The following MBOAT4 variants were observed in gnomAD, a reference collection of about 807,000 sequenced individuals.
MBOAT4 encodes membrane-bound ghrelin O-acyltransferase MBOAT4.
MBOAT4 carries 11 observed loss-of-function variants against 13.2 expected under a neutral mutation model. The ratio of observed to expected loss-of-function variants is 0.84; its 90% CI spans 0.53 to 1.38. The LOEUF is 1.38. MBOAT4 is among the 40% of genes most tolerant of loss of function. The pLI is 0.00. For missense variants in MBOAT4, 481 were observed against 527.2 expected (o/e 0.91, Z 0.86); for synonymous variants, 202 against 210.3 (o/e 0.96, Z 0.34).
chr8:30,132,882 G>A lies in MBOAT4; in HGVS notation c.369C>T (p.Leu123=). The A allele has an allele frequency of 6.5e-7, 1 of 1,531,296 alleles. No homozygotes were observed. The highest frequency in any genetic ancestry group is 8.8e-7 in the Non-Finnish European group (1 of 1,138,282). 94.9% of individuals were successfully genotyped at this position (1,531,296 alleles called of 1,614,324 possible). The change falls in exon 3 of 3, where the codon CTC becomes CTT. Residue 123 remains leucine (L), a synonymous_variant. Transcript: ENST00000320542. The part of the protein sequence containing the change: ...SVRFCITLSS[L]MLLTQRVTSL... ...ACGTGACCCTCTGGGTCAAGAGCATGAGAGAAGAAAGAGTGATGCAGAACC... is the reference window on the plus strand; with the variant it reads ...ACGTGACCCTCTGGGTCAAGAGCATAAGAGAAGAAAGAGTGATGCAGAACC...
At chr8:30,134,446 C>CA (rs913351650) in intron 2 of MBOAT4, among the ~76,000 whole-genome samples, 13 of 149,836 alleles carry the variant, frequency 8.7e-5, no homozygotes, top group Admixed American at 4.7e-4. Flanking sequence ...AAAAAAAAAA[C>CA]AAAAAAAAAC....
At chr8:30,141,171 A>G (rs923033835) in intron 1 of MBOAT4, among the ~76,000 whole-genome samples, 11 of 152,124 alleles carry the variant, frequency 7.2e-5, no homozygotes, top group African/African-American at 2.4e-4. Context: ...AAATACCCAC[A>G]TTGATGAAAT....
chr8:30,137,586 T>C, intron 2 of MBOAT4: 1 of 1,056,808 alleles, frequency 9.5e-7, no homozygotes, highest in Non-Finnish European at 1.4e-6. Context: ...TTTATATTCA[T>C]TCTAATGAAA....
At position 30,132,112 on chromosome 8, in the gene MBOAT4, G is replaced by A. The variant is rs1285013671; in HGVS notation, c.1139C>T (p.Thr380Ile). Residue 380 changes from threonine to isoleucine, a missense_variant, in exon 3 of 3, where the codon ACC (threonine) becomes ATC (isoleucine). By Grantham distance (89) the Thr-to-Ile change is moderately conservative. Coordinates refer to ENST00000320542, the MANE Select transcript of MBOAT4 (RefSeq NM_001100916.2). ...CAACTGGGTGTGGGCCCAGGTGAGGGTTCTATAGAACAGCCTCATCGGCCA... is the reference window on the plus strand; with the variant it reads ...CAACTGGGTGTGGGCCCAGGTGAGGATTCTATAGAACAGCCTCATCGGCCA... The part of the protein sequence containing the change: ...RSWPMRLFYR[T>I]LTWAHTQLII... 3.9e-6 allele frequency: 6 copies of A among 1,551,726 alleles called. No homozygotes were observed. The South Asian group carries it at 7.1e-5, about 18-fold the overall frequency.
Position 30,132,642 on chromosome 8 carries a change from C to T in MBOAT4, c.609G>A (p.Trp203Ter). 1 of 1,551,768 alleles carries T rather than the reference C, an allele frequency of 6.4e-7. No individual in the cohort carries two copies. The highest frequency in any genetic ancestry group is 2.4e-5 in the East Asian group (1 of 40,916). Residue 203 changes from tryptophan (W) to a stop codon, truncating the protein, a stop_gained, in exon 3 of 3, where the codon TGG (tryptophan) becomes TGA (stop). Transcript: ENST00000320542. LOFTEE classifies it low-confidence loss of function (END_TRUNC). The part of the protein sequence containing the change: ...SSALHPRHSF[W>*]ALSWRGLQIL... ...TCTGCAGACCCCTCCAGCTCAGAGC[C>T]CAGAAAGAGTGTCTGGGATGCAAAG...
In MBOAT4 at chr8:30,132,093, G is replaced by A. The variant is rs1400941124; in HGVS notation, c.1158C>T (p.Thr386=). The change falls in exon 3 of 3, where the codon ACC becomes ACT. Residue 386 remains threonine (T), a synonymous_variant. Transcript: ENST00000320542. ...GCATGATGTAGGCAATGATCAACTG[G>A]GTGTGGGCCCAGGTGAGGGTTCTAT... ...LFYRTLTWAH[T]QLIIAYIMLA... The A allele has an allele frequency of 9.7e-6, 15 of 1,551,722 alleles. No homozygotes were observed. The highest frequency in any genetic ancestry group is 1.3e-5 in the Non-Finnish European group (15 of 1,147,008).
intron 2 of MBOAT4, among the ~76,000 whole-genome samples, chr8:30,134,884 G>T (rs576693340): frequency 6.8e-6 from 1 of 146,908 alleles, no homozygotes; most frequent in East Asian, 2.1e-4. Flanking sequence ...CTTTTCTCTT[G>T]TTTTGTTTTT....
At chr8:30,137,446 A>G in intron 2 of MBOAT4, 1 of 1,551,726 alleles carries the variant, frequency 6.4e-7, no homozygotes, top group Non-Finnish European at 8.7e-7. Context: ...ACTTCTGGGC[A>G]GGCCTGCTCT....
At position 30,143,227 on chromosome 8, in the gene MBOAT4, A is replaced by G. The variant is rs534894943; in HGVS notation, c.119+1256T>C. On this transcript the variant is annotated intron_variant, in intron 1 of 2. Transcript: ENST00000320542. ...GCTGGGCATGGTGGTGTGCACCTATAGTCCCAGGTACTGGGGAGGCTGAGG... is the reference window on the plus strand; with the variant it reads ...GCTGGGCATGGTGGTGTGCACCTATGGTCCCAGGTACTGGGGAGGCTGAGG... 3.3e-4 allele frequency among the ~76,000 whole-genome samples: 50 copies of G among 152,254 alleles called. No homozygotes were observed. In the South Asian group the frequency reaches 9.7e-3, roughly 30 times the overall value.
In MBOAT4 at chr8:30,139,454, G is replaced by A. The variant is rs188887129; in HGVS notation, c.120-698C>T. ...CCTAGTGTCAAGGATCTAGAAGAGCGCCCTAGGCATCCTCTCAAGACAAGT... is the reference window on the plus strand; with the variant it reads ...CCTAGTGTCAAGGATCTAGAAGAGCACCCTAGGCATCCTCTCAAGACAAGT... On this transcript the variant is annotated intron_variant, in intron 1 of 2. Coordinates refer to ENST00000320542, the MANE Select transcript of MBOAT4 (RefSeq NM_001100916.2). Among the ~76,000 whole-genome samples the A allele has an allele frequency of 1.7e-3, 257 of 152,224 alleles. 2 individuals are homozygous for A. Among genetic ancestry groups the A allele is most frequent in the African/African-American group, 5.9e-3 (243 of 41,532 alleles).
intron 1 of MBOAT4, among the ~76,000 whole-genome samples, chr8:30,143,556 T>TA (rs1451526426): frequency 6.6e-6 from 1 of 152,084 alleles, no homozygotes; most frequent in Non-Finnish European, 1.5e-5. Flanking sequence ...ATGAGCAATC[T>TA]AAAAAAATAG....
At chr8:30,140,324 G>T (rs1289913177) in intron 1 of MBOAT4, among the ~76,000 whole-genome samples, 1 of 152,192 alleles carries the variant, frequency 6.6e-6, no homozygotes, top group Non-Finnish European at 1.5e-5. Flanking sequence ...TGTACCTAAG[G>T]TGATCCGCCC....
In MBOAT4 at chr8:30,138,713, C is replaced by G. The variant is rs151018154; in HGVS notation, c.163G>C (p.Ala55Pro). The G allele has an allele frequency of 6.5e-7, 1 of 1,550,110 alleles. No homozygotes were observed. Among genetic ancestry groups the G allele is most frequent in the African/African-American group, 1.4e-5 (1 of 73,000 alleles). The change falls in exon 2 of 3, where the codon GCC (alanine) becomes CCC (proline). Residue 55 changes from alanine (A) to proline (P), a missense_variant. Ala to Pro is a conservative substitution (Grantham distance 27). Coordinates refer to ENST00000320542, the MANE Select transcript of MBOAT4 (RefSeq NM_001100916.2). ...LTGGGALAVA[A>P]MGSYAVLVFT... is the part of the protein sequence containing the mutation. ...ACGAGCACGGCGTAGGAACCCATGG[C>G]AGCCACGGCCAGGGCACCTCCTCCA...
In MBOAT4 at chr8:30,132,852, G is replaced by A. The variant is rs1347929882; in HGVS notation, c.399C>T (p.Leu133=). 2.6e-6 allele frequency: 4 copies of A among 1,551,220 alleles called. No individual in the cohort carries two copies. The South Asian group carries it at 4.8e-5, about 18-fold the overall frequency. Residue 133 remains leucine (L), a synonymous_variant, in exon 3 of 3, where the codon CTC becomes CTT. Coordinates refer to ENST00000320542, the MANE Select transcript of MBOAT4 (RefSeq NM_001100916.2). ...CTTTCCCCTCACAAATGTCCAGAGA[G>A]AGGGACGTGACCCTCTGGGTCAAGA... The part of the protein sequence containing the change: ...LMLLTQRVTS[L]SLDICEGKVK...
At chr8:30,144,336 A>G (rs1228719191) in intron 1 of MBOAT4, 147 bp downstream of exon 1, 6 of 550,874 alleles carry the variant, frequency 1.1e-5, no homozygotes, top group African/African-American at 2.0e-5. Context: ...GGGTTTCGCT[A>G]TGTTGGCCAG....
chr8:30,143,347 C>CAAAAAAAAAAAAAAAAAAAAAAAAA (rs776274086), intron 1 of MBOAT4, among the ~76,000 whole-genome samples: 1 of 143,506 alleles, frequency 7.0e-6, no homozygotes, highest in African/African-American at 2.8e-5. Flanking sequence ...GACTCCGTCT[C>CAAAAAAAAAAAAAAAAAAAAAAAAA]AAAAAAAAAA....
chr8:30,135,596 G>A (rs1232735241), intron 2 of MBOAT4, among the ~76,000 whole-genome samples: 3 of 152,094 alleles, frequency 2.0e-5, no homozygotes, highest in Admixed American at 6.6e-5. Context: ...CCACTGGCAA[G>A]ATTATTGAGG....
At position 30,138,641 on chromosome 8, in the gene MBOAT4, G is replaced by T; in HGVS notation, c.235C>A (p.Pro79Thr). Reference sequence around the variant, plus strand: ...AAGGTCCACCTGTGGACTTGCTGAGGAGCCAGGGAACAGAGGAGAGCCACA... The same window carrying T: ...AAGGTCCACCTGTGGACTTGCTGAGTAGCCAGGGAACAGAGGAGAGCCACA... ...CAVALLCSLA[P>T]QQVHRWTFCF... Residue 79 changes from proline (P) to threonine (T), a missense_variant, in exon 2 of 3, where the codon CCT (proline) becomes ACT (threonine). Coordinates refer to ENST00000320542, the MANE Select transcript of MBOAT4 (RefSeq NM_001100916.2). 2.6e-6 allele frequency: 4 copies of T among 1,551,644 alleles called. No individual in the cohort carries two copies. The highest frequency in any genetic ancestry group is 3.5e-6 in the Non-Finnish European group (4 of 1,147,004).
chr8:30,132,235 C>G lies in MBOAT4; in HGVS notation c.1016G>C (p.Gly339Ala). The stretch of plus-strand genomic sequence containing the variant: ...ACCAAACACCTGTCCTGGATGGAGT[C>G]CATGCCACCAGGCAGAGAAGGCAAA... ...QTFAFSAWWH[G>A]LHPGQVFGFV... Residue 339 changes from glycine (G) to alanine (A), a missense_variant, in exon 3 of 3, where the codon GGA (glycine) becomes GCA (alanine). Physicochemically the swap from Gly to Ala is moderately conservative, Grantham distance 60 (BLOSUM62 0). Coordinates refer to ENST00000320542, the MANE Select transcript of MBOAT4 (RefSeq NM_001100916.2). 1 of 1,551,846 alleles carries G rather than the reference C, an allele frequency of 6.4e-7. No individual in the cohort carries two copies. Among genetic ancestry groups the G allele is most frequent in the Non-Finnish European group, 8.7e-7 (1 of 1,147,024 alleles).
Sources: gnomAD v4.1 joint callset for allele counts (sites outside exome capture counted in the v4.1 genomes callset) on GRCh38, gnomAD v4.1.1 for gene constraint, MANE v1.5 for transcripts, NCBI Gene and HGNC (gene_info 2026-07-23, HGNC 2026-07-21) for gene names.